The following MAP4K4 variants were observed in gnomAD, a reference collection of about 807,000 sequenced individuals.
MAP4K4 encodes HPK/GCK-like kinase HGK.
A neutral mutation model predicts 189.6 loss-of-function variants in MAP4K4; 38 were observed. The observed-to-expected ratio is 0.20, with a 90% CI of 0.15 to 0.26. The LOEUF (loss-of-function observed/expected upper bound fraction) is 0.26, where lower values mean the gene tolerates loss of function less well. MAP4K4 is among the 10% of genes least tolerant of loss of function. The probability of loss-of-function intolerance (pLI) is 1.00; values close to 1 mark genes in which losing one functional copy is unlikely to be tolerated. For missense variants in MAP4K4, 1,054 were observed against 1,726.9 expected (o/e 0.61, Z 6.91); for synonymous variants, 610 against 624.3 (o/e 0.98, Z 0.34).
chr2:101,781,633 C>T (rs1187525225), intron 2 of MAP4K4, among the ~76,000 whole-genome samples: 1 of 152,168 alleles, frequency 6.6e-6, no homozygotes, highest in Non-Finnish European at 1.5e-5. Context: ...TTTTACTCCT[C>T]CCTCCTGGCC....
chr2:101,804,981 G>A (rs2094773377), intron 3 of MAP4K4, among the ~76,000 whole-genome samples: 1 of 150,106 alleles, frequency 6.7e-6, no homozygotes, highest in Admixed American at 6.7e-5. Flanking sequence ...GGCTGAGGCA[G>A]GAGAATCGCT....
intron 27 of MAP4K4, among the ~76,000 whole-genome samples, chr2:101,882,048 A>G (rs1288427555): frequency 2.0e-5 from 3 of 152,220 alleles, no homozygotes; most frequent in Non-Finnish European, 4.4e-5. Context: ...ACCATATGTA[A>G]GATATGCACA....
chr2:101,734,804 T>C (rs2059749423), intron 2 of MAP4K4, among the ~76,000 whole-genome samples: 1 of 152,168 alleles, frequency 6.6e-6, no homozygotes, highest in African/African-American at 2.4e-5. Flanking sequence ...GGGAATAGCA[T>C]GATCTCCATG....
intron 3 of MAP4K4, chr2:101,797,340 A>G (rs1575706685): frequency 7.7e-7 from 1 of 1,290,848 alleles, no homozygotes; most frequent in Non-Finnish European, 1.0e-6. Flanking sequence ...TGTGCTTTGC[A>G]TGACTCTGGC....
intron 2 of MAP4K4, among the ~76,000 whole-genome samples, chr2:101,724,483 C>T (rs1192055617): frequency 1.3e-5 from 2 of 152,150 alleles, no homozygotes; most frequent in East Asian, 3.8e-4. Context: ...GTTTCTGAAA[C>T]CTCTAATACA....
chr2:101,873,823 CT>C, intron 25 of MAP4K4, 59 bp downstream of exon 25: 1 of 1,266,260 alleles, frequency 7.9e-7, no homozygotes. Context: ...TTGAGTTGCT[CT>C]TTTGGGTGGC....
intron 2 of MAP4K4, among the ~76,000 whole-genome samples, chr2:101,727,530 C>T (rs758546962): frequency 6.6e-6 from 1 of 152,144 alleles, no homozygotes; most frequent in Non-Finnish European, 1.5e-5. Context: ...CATAGATTAC[C>T]AAGTAAATGG....
chr2:101,738,002 A>G (rs1300701939), intron 2 of MAP4K4, among the ~76,000 whole-genome samples: 2 of 152,160 alleles, frequency 1.3e-5, no homozygotes, highest in Admixed American at 1.3e-4. Flanking sequence ...ACATGCTAGC[A>G]TCATATGGCT....
intron 7 of MAP4K4, among the ~76,000 whole-genome samples, chr2:101,833,769 C>T (rs1457105001): frequency 6.6e-6 from 1 of 152,004 alleles, no homozygotes; most frequent in African/African-American, 2.4e-5. Flanking sequence ...AAGTTTAATT[C>T]AAATTTTAAA....
At chr2:101,748,080 T>C (rs1257334843) in intron 2 of MAP4K4, among the ~76,000 whole-genome samples, 1 of 152,226 alleles carries the variant, frequency 6.6e-6, no homozygotes, top group Non-Finnish European at 1.5e-5. Flanking sequence ...TATCCTCTTA[T>C]TCAGAGGAGT....
At chr2:101,768,003 T>C (rs2079422576) in intron 2 of MAP4K4, among the ~76,000 whole-genome samples, 1 of 152,192 alleles carries the variant, frequency 6.6e-6, no homozygotes, top group Admixed American at 6.5e-5. Flanking sequence ...TTCAGGAGTG[T>C]TTTGGAGTAG....
chr2:101,786,399 C>A (rs747055075), intron 2 of MAP4K4, among the ~76,000 whole-genome samples: 21 of 151,058 alleles, frequency 1.4e-4, no homozygotes, highest in Middle Eastern at 3.2e-3. Flanking sequence ...TTTGAGTTTT[C>A]TTCTTAAAAA....
chr2:101,790,743 G>A, exon 3 of MAP4K4: 1 of 1,610,926 alleles, frequency 6.2e-7, no homozygotes, highest in Non-Finnish European at 8.5e-7. Flanking sequence ...AAACGGGTCA[G>A]TTGGCAGCCA....
chr2:101,848,169 A>G (rs1279029837), intron 12 of MAP4K4, among the ~76,000 whole-genome samples: 1 of 152,258 alleles, frequency 6.6e-6, no homozygotes, highest in African/African-American at 2.4e-5. Flanking sequence ...CCTGTTGTTA[A>G]GCAACACATG....
At chr2:101,783,843 T>C (rs1198003429) in intron 2 of MAP4K4, among the ~76,000 whole-genome samples, 1 of 152,202 alleles carries the variant, frequency 6.6e-6, no homozygotes, top group Non-Finnish European at 1.5e-5. Flanking sequence ...TGAGGGAGAC[T>C]GGCGTCTTCT....
intron 2 of MAP4K4, among the ~76,000 whole-genome samples, chr2:101,763,073 T>C (rs1467097708): frequency 6.6e-6 from 1 of 152,200 alleles, no homozygotes; most frequent in Non-Finnish European, 1.5e-5. Context: ...GTCAGACCTC[T>C]GCTCTACTGC....
chr2:101,856,101 G>A (rs2097444416), exon 13 of MAP4K4: 2 of 1,551,034 alleles, frequency 1.3e-6, no homozygotes, highest in Non-Finnish European at 1.7e-6. Context: ...GAGAGGAGAC[G>A]GGCAGAAGAA....
intron 2 of MAP4K4, among the ~76,000 whole-genome samples, chr2:101,729,077 G>GAAGAGAGAGAGAA (rs70946662): frequency 1.6e-5 from 2 of 128,676 alleles, no homozygotes; most frequent in Non-Finnish European, 3.3e-5. Context: ...ATTAGAGAGA[G>GAAGAGAGAGAGAA]GAGAGAGAGA....
chr2:101,724,187 C>T (rs943543777), intron 2 of MAP4K4, among the ~76,000 whole-genome samples: 2 of 152,126 alleles, frequency 1.3e-5, no homozygotes, highest in African/African-American at 4.8e-5. Context: ...AGCATTCCAG[C>T]CAACCAATCA....
Sources: allele counts gnomAD v4.1 joint callset (sites outside exome capture counted in the v4.1 genomes callset), GRCh38; gene constraint gnomAD v4.1.1; transcripts MANE v1.5; gene names NCBI Gene and HGNC (gene_info 2026-07-23, HGNC 2026-07-21).